AKAP10: variants seen among roughly 807,000 people sequenced by gnomAD.
AKAP10 encodes A-kinase anchoring protein 10, also known as A-kinase anchor protein 10, mitochondrial.
In AKAP10, 24 loss-of-function variants were observed where a neutral mutation model predicts 80.8. The observed-to-expected ratio is 0.30, with a 90% CI of 0.22 to 0.42. AKAP10 has a LOEUF of 0.42. Ranked by LOEUF, AKAP10 falls within the 10% of genes least tolerant of loss-of-function variation. The pLI is 1.00. For missense variants in AKAP10, 661 were observed against 794.9 expected, an observed-to-expected ratio of 0.83 and a Z score of 2.03; for synonymous variants, 291 against 277.7, an observed-to-expected ratio of 1.05 and a Z score of -0.48.
At chr17:19,936,080 T>C (rs926619641) in intron 9 of AKAP10, 5 of 432,162 alleles carry the variant, frequency 1.2e-5, no homozygotes, top group Non-Finnish European at 2.0e-5. Context: ...TACAGGACCA[T>C]CGTACACGCA....
At chr17:19,962,289 TACATATAC>T (rs749250947) in intron 3 of AKAP10, among the ~76,000 whole-genome samples, 31 of 139,842 alleles carry the variant, frequency 2.2e-4, no homozygotes, top group South Asian at 6.8e-4. Flanking sequence ...CATACATACA[TACATATAC>T]ACACACACAC....
At position 19,977,730 on chromosome 17, in the gene AKAP10, G is replaced by A; in HGVS notation, c.-51C>T. 8.8e-7 allele frequency: 1 copy of A among 1,130,912 alleles called. No homozygotes were observed. Among genetic ancestry groups the A allele is most frequent in the Middle Eastern group, 2.4e-4 (1 of 4,150 alleles). The allele number at this position is 1,130,912 out of a possible 1,614,324, so 70.1% of individuals were successfully genotyped here. A position where few individuals can be genotyped will look rare whatever the true frequency, so the allele number is the denominator to read the frequency against. ...TCCAGAGGGGCCGCTGCACTAGCGC[G>A]AAAAGGGACCCTTCTTCCGGGAGTG... On this transcript the variant is annotated 5_prime_UTR_variant, in exon 1 of 15. Transcript: ENST00000225737.
At chr17:19,950,726 G>A (rs570283892) in intron 4 of AKAP10, among the ~76,000 whole-genome samples, 1 of 152,170 alleles carries the variant, frequency 6.6e-6, no homozygotes, top group South Asian at 2.1e-4. Context: ...CTGCCCGGCC[G>A]CCACCCCGTC....
chr17:19,950,113 G>T (rs1392609109), intron 4 of AKAP10, among the ~76,000 whole-genome samples: 1 of 152,144 alleles, frequency 6.6e-6, no homozygotes, highest in Admixed American at 6.5e-5. Flanking sequence ...GACCAGCCTG[G>T]CCAATATGGT....
At chr17:19,968,391 G>C in intron 2 of AKAP10, 23 bp downstream of exon 2, 1 of 1,603,362 alleles carries the variant, frequency 6.2e-7, no homozygotes, top group Non-Finnish European at 8.5e-7. Flanking sequence ...TTAATGCAGT[G>C]GACTGCCAAG....
At chr17:19,919,776 T>G (rs2042790465) in intron 12 of AKAP10, among the ~76,000 whole-genome samples, 1 of 152,148 alleles carries the variant, frequency 6.6e-6, no homozygotes, top group South Asian at 2.1e-4. Flanking sequence ...TGCCATTAAA[T>G]AAGAAAATAG....
At chr17:19,913,309 T>C (rs1225731296) in intron 12 of AKAP10, among the ~76,000 whole-genome samples, 2 of 152,040 alleles carry the variant, frequency 1.3e-5, no homozygotes, top group East Asian at 1.9e-4. Flanking sequence ...CGTGCCACCA[T>C]GCCTGGCTAA....
intron 12 of AKAP10, among the ~76,000 whole-genome samples, chr17:19,910,762 G>A (rs931629109): frequency 1.4e-5 from 2 of 144,828 alleles, no homozygotes; most frequent in Non-Finnish European, 3.0e-5. Flanking sequence ...AGAGTATGCT[G>A]CTACATTCTA....
At chr17:19,908,826 G>A (rs981697761) in intron 14 of AKAP10, among the ~76,000 whole-genome samples, 3 of 151,976 alleles carry the variant, frequency 2.0e-5, no homozygotes, top group Non-Finnish European at 4.4e-5. Context: ...TCACCATGTT[G>A]GCCAGGCTGG....
At chr17:19,908,352 C>CT in intron 14 of AKAP10, among the ~76,000 whole-genome samples, 1 of 152,190 alleles carries the variant, frequency 6.6e-6, no homozygotes, top group East Asian at 1.9e-4. Context: ...GGCATAACCT[C>CT]TGTGAAGACA....
intron 3 of AKAP10, among the ~76,000 whole-genome samples, chr17:19,959,659 CAAA>C (rs951671085): frequency 2.2e-4 from 34 of 152,124 alleles, no homozygotes; most frequent in African/African-American, 8.2e-4. Context: ...TTAGGAAAGA[CAAA>C]AAATTTTTTT....
At chr17:19,948,906 T>C (rs2043167323) in intron 4 of AKAP10, among the ~76,000 whole-genome samples, 2 of 152,192 alleles carry the variant, frequency 1.3e-5, no homozygotes, top group African/African-American at 4.8e-5. Context: ...GAATGCTGCT[T>C]AGAATTTGTG....
rs1366170017 is a variant in AKAP10, at chr17:19,904,812, T to C, written c.*1415A>G. On this transcript the variant is annotated 3_prime_UTR_variant, in exon 15 of 15. Coordinates refer to ENST00000225737, the MANE Select transcript of AKAP10 (RefSeq NM_007202.4). ...TTTTAAAATCAAACACAATTAAATA[T>C]AATATGGTTTAAGTACATGAATACT... 1 of 152,010 alleles carries C rather than the reference T, an allele frequency of 6.6e-6. No individual in the cohort carries two copies. The highest frequency in any genetic ancestry group is 1.5e-5 in the Non-Finnish European group (1 of 68,012). The allele number at this position is 152,010 out of a possible 1,614,324, so 9.4% of individuals were successfully genotyped here.
chr17:19,929,065 T>C (rs1046858299), intron 10 of AKAP10, among the ~76,000 whole-genome samples: 1 of 152,188 alleles, frequency 6.6e-6, no homozygotes, highest in South Asian at 2.1e-4. Flanking sequence ...GATGCTCTTT[T>C]GAACACATGA....
intron 11 of AKAP10, among the ~76,000 whole-genome samples, chr17:19,924,161 T>C (rs2042849044): frequency 6.6e-6 from 1 of 152,132 alleles, no homozygotes; most frequent in African/African-American, 2.4e-5. Flanking sequence ...ATTATTCTCA[T>C]TTTACAGATG....
intron 4 of AKAP10, among the ~76,000 whole-genome samples, chr17:19,955,487 A>G (rs1450996012): frequency 1.3e-5 from 2 of 152,236 alleles, no homozygotes; most frequent in Admixed American, 6.5e-5. Flanking sequence ...TGCTCTTTTA[A>G]TAACTCCACT....
intron 4 of AKAP10, among the ~76,000 whole-genome samples, chr17:19,953,229 C>A (rs1175581645): frequency 1.3e-5 from 2 of 151,252 alleles, no homozygotes; most frequent in African/African-American, 2.4e-5. Flanking sequence ...TTCAAAATAC[C>A]AGAATTTGTG....
chr17:19,925,195 A>G (rs578208202), intron 10 of AKAP10, among the ~76,000 whole-genome samples: 1 of 152,132 alleles, frequency 6.6e-6, no homozygotes, highest in Non-Finnish European at 1.5e-5. Context: ...AATAAAATGT[A>G]TAATGTATGA....
intron 4 of AKAP10, among the ~76,000 whole-genome samples, chr17:19,953,000 C>T (rs2043232278): frequency 1.3e-5 from 2 of 151,900 alleles, no homozygotes; most frequent in Non-Finnish European, 2.9e-5. Flanking sequence ...GGTATATTCA[C>T]ATTTTAAAAA....
Sources: gnomAD v4.1 joint callset for allele counts (sites outside exome capture counted in the v4.1 genomes callset) on GRCh38, gnomAD v4.1.1 for gene constraint, MANE v1.5 for transcripts, NCBI Gene and HGNC (gene_info 2026-07-23, HGNC 2026-07-21) for gene names.